Variants in TRPM3 observed in about 807,000 individuals in gnomAD.
TRPM3 encodes the protein transient receptor potential cation channel subfamily M member 3, also known as long transient receptor potential channel 3.
In TRPM3, 77 loss-of-function variants were observed where a neutral mutation model predicts 181.2. The ratio of observed to expected loss-of-function variants is 0.42; its 90% CI spans 0.35 to 0.51. The LOEUF (loss-of-function observed/expected upper bound fraction) is 0.51, where lower values mean the gene tolerates loss of function less well. TRPM3 is among the 20% of genes least tolerant of loss of function. TRPM3 has a pLI of 0.01. For synonymous variants in TRPM3, 745 were observed against 796.4 expected (o/e 0.94, Z 1.09); for missense variants, 1,759 against 2,196.7 (o/e 0.80, Z 3.98).
chr9:71,446,949 C>T, upstream of TRPM3: 1 of 1,096,990 alleles, frequency 9.1e-7, no homozygotes. Flanking sequence ...GCTGCCTTTG[C>T]CTCCGCCGGC....
intron 9 of TRPM3, among the ~76,000 whole-genome samples, chr9:70,653,259 A>G (rs938700307): frequency 6.6e-6 from 1 of 152,148 alleles, no homozygotes; most frequent in Non-Finnish European, 1.5e-5. Flanking sequence ...GCTGAATGTT[A>G]TAAGTAGTAA....
At chr9:71,243,901 T>A (rs913448482) in intron 1 of TRPM3, among the ~76,000 whole-genome samples, 1 of 141,112 alleles carries the variant, frequency 7.1e-6, no homozygotes, top group Non-Finnish European at 1.6e-5. Context: ...TATACCTCCA[T>A]AGAAACATAT....
intron 1 of TRPM3, among the ~76,000 whole-genome samples, chr9:71,413,625 T>A (rs1008577142): frequency 6.6e-6 from 1 of 152,042 alleles, no homozygotes; most frequent in Non-Finnish European, 1.5e-5. Flanking sequence ...TGCAACAGTG[T>A]TGGGAGGTAT....
chr9:71,159,105 TAGAGAGAGAGAG>T (rs140356660), intron 1 of TRPM3, among the ~76,000 whole-genome samples: 229 of 144,170 alleles, frequency 1.6e-3, no homozygotes, highest in African/African-American at 5.6e-3. Flanking sequence ...TATATATATT[TAGAGAGAGAGAG>T]AGAGAGAGAG....
intron 1 of TRPM3, among the ~76,000 whole-genome samples, chr9:70,882,151 C>T (rs2096005244): frequency 6.6e-6 from 1 of 152,170 alleles, no homozygotes; most frequent in African/African-American, 2.4e-5. Flanking sequence ...TCCTTGGCCA[C>T]ACAGAGTGCT....
At chr9:70,855,457 G>T (rs2095361838) in intron 3 of TRPM3, among the ~76,000 whole-genome samples, 1 of 152,202 alleles carries the variant, frequency 6.6e-6, no homozygotes, top group Admixed American at 6.5e-5. Context: ...TAAAGGAACT[G>T]CAGAACAATG....
chr9:70,787,679 T>C (rs1330351814), intron 6 of TRPM3, among the ~76,000 whole-genome samples: 4 of 151,196 alleles, frequency 2.6e-5, no homozygotes, highest in Non-Finnish European at 4.4e-5. Context: ...TTATGAAAGC[T>C]AGGGACCCTT....
intron 1 of TRPM3, among the ~76,000 whole-genome samples, chr9:71,144,364 C>T (rs1375926291): frequency 6.6e-6 from 1 of 152,170 alleles, no homozygotes; most frequent in Non-Finnish European, 1.5e-5. Context: ...TGCTCATGGA[C>T]AACCTGATCT....
chr9:70,593,933 TATATATA>T (rs926513813), intron 21 of TRPM3, among the ~76,000 whole-genome samples: 13 of 147,636 alleles, frequency 8.8e-5, no homozygotes, highest in African/African-American at 3.2e-4. Flanking sequence ...ATGTATAATG[TATATATA>T]ATATATAATG....
At chr9:70,547,300 C>T (rs1367290976) in intron 25 of TRPM3, among the ~76,000 whole-genome samples, 3 of 151,890 alleles carry the variant, frequency 2.0e-5, no homozygotes, top group Admixed American at 1.3e-4. Context: ...CATACATATA[C>T]ATATGTGTAT....
intron 1 of TRPM3, among the ~76,000 whole-genome samples, chr9:70,963,423 T>G (rs2097156581): frequency 6.6e-6 from 1 of 152,076 alleles, no homozygotes; most frequent in South Asian, 2.1e-4. Flanking sequence ...GGGTGCAACA[T>G]CAAATTTTAA....
chr9:71,424,540 C>T (rs1235555119), intron 1 of TRPM3, among the ~76,000 whole-genome samples: 4 of 152,048 alleles, frequency 2.6e-5, no homozygotes, highest in Non-Finnish European at 4.4e-5. Context: ...TAGTCAGTTG[C>T]AAATATTACT....
chr9:70,591,937 A>C (rs2058184952), intron 21 of TRPM3, among the ~76,000 whole-genome samples: 1 of 152,072 alleles, frequency 6.6e-6, no homozygotes, highest in Non-Finnish European at 1.5e-5. Flanking sequence ...AATGACTCAG[A>C]CCTGTACCTG....
intron 1 of TRPM3, among the ~76,000 whole-genome samples, chr9:71,197,471 G>C (rs1442730508): frequency 6.6e-6 from 1 of 152,012 alleles, no homozygotes; most frequent in Non-Finnish European, 1.5e-5. Flanking sequence ...GGTTGAACTA[G>C]TTTACAGTCC....
intron 1 of TRPM3, among the ~76,000 whole-genome samples, chr9:71,137,188 C>G (rs1347906231): frequency 6.6e-6 from 1 of 151,892 alleles, no homozygotes; most frequent in Non-Finnish European, 1.5e-5. Context: ...TCCTTTAAAA[C>G]TAATAAAAAG....
intron 1 of TRPM3, among the ~76,000 whole-genome samples, chr9:71,276,100 C>T (rs1334927300): frequency 6.6e-6 from 1 of 152,096 alleles, no homozygotes; most frequent in Non-Finnish European, 1.5e-5. Context: ...CTCGGCCTCC[C>T]AAAGTGCTGT....
intron 8 of TRPM3, among the ~76,000 whole-genome samples, chr9:70,689,482 C>T (rs2067889569): frequency 6.7e-6 from 1 of 150,230 alleles, no homozygotes; most frequent in South Asian, 2.1e-4. Context: ...TGCTGTAGGT[C>T]CCAAAGCAAC....
chr9:71,379,908 G>A (rs112501740), intron 1 of TRPM3, among the ~76,000 whole-genome samples: 6 of 152,026 alleles, frequency 3.9e-5, no homozygotes, highest in Admixed American at 6.6e-5. Context: ...TACAGCATAC[G>A]CAAGTAACTT....
chr9:70,574,950 AT>A (rs1406069234), intron 22 of TRPM3, among the ~76,000 whole-genome samples: 1 of 146,998 alleles, frequency 6.8e-6, no homozygotes, highest in African/African-American at 2.5e-5. Flanking sequence ...TTTTTTTTAA[AT>A]TTTTTTTCCC....
Sources: gnomAD v4.1 joint callset for allele counts (sites outside exome capture counted in the v4.1 genomes callset) on GRCh38, gnomAD v4.1.1 for gene constraint, MANE v1.5 for transcripts, NCBI Gene and HGNC (gene_info 2026-07-23, HGNC 2026-07-21) for gene names.